Variants in POC1B observed in about 807,000 individuals in gnomAD.
The protein encoded by POC1B is POC1 centriolar protein homolog B.
A neutral mutation model predicts 60.6 loss-of-function variants in POC1B; 44 were observed. The observed-to-expected ratio is 0.73, with a 90% CI of 0.57 to 0.93. POC1B has a LOEUF of 0.93. POC1B is among the 40% of genes least tolerant of loss of function. The probability of loss-of-function intolerance (pLI) is 0.00; values close to 1 mark genes in which losing one functional copy is unlikely to be tolerated. For synonymous variants in POC1B, 180 were observed against 198.9 expected, an observed-to-expected ratio of 0.90 and a Z score of 0.80; for missense variants, 555 against 572.3, an observed-to-expected ratio of 0.97 and a Z score of 0.31.
chr12:89,468,783 G>A (rs553623492), intron 7 of POC1B, among the ~76,000 whole-genome samples: 2 of 152,158 alleles, frequency 1.3e-5, no homozygotes, highest in African/African-American at 4.8e-5. Context: ...CGCAAAGCAG[G>A]AAGCCAGGCA....
chr12:89,481,631 T>C (rs559136955), intron 4 of POC1B, among the ~76,000 whole-genome samples: 4 of 152,266 alleles, frequency 2.6e-5, no homozygotes, highest in East Asian at 3.9e-4. Flanking sequence ...AAATTCTGCA[T>C]TGGAAAAAAA....
At chr12:89,460,561 G>C (rs7136349) in intron 9 of POC1B, 79,562 of 151,932 alleles carry the variant, frequency 0.52, 21,217 homozygotes, top group African/African-American at 0.61. Context: ...ACTATTGGAA[G>C]TACCCTAAGT....
At chr12:89,432,800 T>C (rs535504286) in intron 10 of POC1B, among the ~76,000 whole-genome samples, 3 of 152,334 alleles carry the variant, frequency 2.0e-5, no homozygotes, top group Admixed American at 6.5e-5. Flanking sequence ...TGATTCTAGA[T>C]TTCTGTGGAG....
chr12:89,420,986 A>AGGTG lies in POC1B; in HGVS notation c.*166_*167insCACC, dbSNP rs1880506063. ...TTGATATGTGTTTAAATTAGTCCTTAGGTATGCCTTTTCTGCCTTTTGTTC... is the reference window on the plus strand; with the variant it reads ...TTGATATGTGTTTAAATTAGTCCTTAGGTGGGTATGCCTTTTCTGCCTTTTGTTC... On this transcript the variant is annotated 3_prime_UTR_variant, in exon 12 of 12. Transcript: ENST00000313546. The AGGTG allele has an allele frequency of 2.1e-6, 1 of 487,544 alleles. No individual in the cohort carries two copies. Among genetic ancestry groups the AGGTG allele is most frequent in the East Asian group, 2.9e-5 (1 of 34,854 alleles). 30.2% of individuals were successfully genotyped at this position (487,544 alleles called of 1,614,324 possible).
chr12:89,459,331 A>G (rs1038311612), intron 10 of POC1B, among the ~76,000 whole-genome samples: 3 of 151,120 alleles, frequency 2.0e-5, no homozygotes, highest in Non-Finnish European at 2.9e-5. Context: ...TAATGGGTGC[A>G]GCACACCAAC....
chr12:89,418,951 G>T (rs1880420603), downstream of POC1B, among the ~76,000 whole-genome samples: 1 of 152,148 alleles, frequency 6.6e-6, no homozygotes, highest in South Asian at 2.1e-4. Flanking sequence ...GAGATTAGTG[G>T]CTTGGATCAT....
intron 4 of POC1B, among the ~76,000 whole-genome samples, chr12:89,480,378 C>A (rs530163620): frequency 1.3e-5 from 2 of 151,616 alleles, no homozygotes; most frequent in South Asian, 4.2e-4. Flanking sequence ...CTCAAGCAAT[C>A]CACTCACTTC....
chr12:89,525,143 A>T lies in POC1B; in HGVS notation c.77T>A (p.Leu26His), dbSNP rs1179611575. 6.2e-7 allele frequency: 1 copy of T among 1,614,030 alleles called. No homozygotes were observed. Among genetic ancestry groups the T allele is most frequent in the Admixed American group, 1.7e-5 (1 of 60,024 alleles). Reference sequence around the variant, plus strand: ...ACCAAGTTGCTTGCCGTTGGGGCTGAGGTCCAAGGAGGTGATCGCAGCTTT... The same window carrying T: ...ACCAAGTTGCTTGCCGTTGGGGCTGTGGTCCAAGGAGGTGATCGCAGCTTT... ...GHKAAITSLD[L>H]SPNGKQLATA... The change falls in exon 2 of 12, where the codon CTC (leucine) becomes CAC (histidine). Residue 26 changes from leucine to histidine, a missense_variant. Leu to His is a moderately conservative substitution (Grantham distance 99). Coordinates refer to ENST00000313546, the MANE Select transcript of POC1B (RefSeq NM_172240.3).
chr12:89,495,512 G>C (rs1413024442), intron 3 of POC1B, among the ~76,000 whole-genome samples: 1 of 152,194 alleles, frequency 6.6e-6, no homozygotes, highest in Non-Finnish European at 1.5e-5. Flanking sequence ...ATGCCCATGA[G>C]CTTTTCTTCA....
intron 9 of POC1B, among the ~76,000 whole-genome samples, chr12:89,463,510 G>A (rs542807602): frequency 6.6e-6 from 1 of 152,172 alleles, no homozygotes; most frequent in Non-Finnish European, 1.5e-5. Context: ...GTCTGAAGAA[G>A]ATAAAGTCAG....
intron 2 of POC1B, chr12:89,501,353 T>C (rs1869557904): frequency 2.0e-6 from 2 of 1,015,848 alleles, no homozygotes; most frequent in Non-Finnish European, 3.1e-6. Flanking sequence ...AAAAGGACTA[T>C]AAAACAAAAA....
At chr12:89,426,719 G>A (rs549277314) in intron 10 of POC1B, 1 of 152,074 alleles carries the variant, frequency 6.6e-6, no homozygotes, top group East Asian at 1.9e-4. Context: ...AGCTACTTGG[G>A]AGGCTGAGGC....
At chr12:89,444,785 G>T (rs561905547) in intron 10 of POC1B, among the ~76,000 whole-genome samples, 1 of 152,240 alleles carries the variant, frequency 6.6e-6, no homozygotes, top group East Asian at 1.9e-4. Context: ...GAAATAAAGG[G>T]TATTCAATTA....
the POC1B span, among the ~76,000 whole-genome samples, chr12:89,403,264 C>A: frequency 5.3e-5 from 8 of 152,202 alleles, no homozygotes; most frequent in South Asian, 1.2e-3. Context: ...GCCTTGGCCT[C>A]CCAAAGTGAT....
At chr12:89,449,005 T>C (rs1003448685) in intron 10 of POC1B, among the ~76,000 whole-genome samples, 9 of 152,210 alleles carry the variant, frequency 5.9e-5, no homozygotes, top group Non-Finnish European at 2.9e-5. Flanking sequence ...ACCAGAGATA[T>C]ACATCAGGTC....
At chr12:89,460,736 T>A (rs1313067330) in intron 9 of POC1B, 1 of 152,178 alleles carries the variant, frequency 6.6e-6, no homozygotes, top group African/African-American at 2.4e-5. Flanking sequence ...AAAATATACA[T>A]TCAATATAAT....
At chr12:89,525,272 G>C in intron 1 of POC1B, 68 bp from the exon 2 acceptor site, 3 of 1,540,914 alleles carry the variant, frequency 1.9e-6, no homozygotes, top group Non-Finnish European at 2.6e-6. Flanking sequence ...TGGGATCCAC[G>C]CTGCCACTTC....
intron 4 of POC1B, among the ~76,000 whole-genome samples, chr12:89,472,863 G>A (rs544239895): frequency 3.6e-4 from 55 of 152,272 alleles, no homozygotes; most frequent in Non-Finnish European, 7.5e-4. Context: ...CAGAACAGAA[G>A]TTCCTTCATG....
intron 10 of POC1B, among the ~76,000 whole-genome samples, chr12:89,452,453 C>T (rs10858864): frequency 0.19 from 29,374 of 151,686 alleles, 3,262 homozygotes; most frequent in South Asian, 0.36. Flanking sequence ...GTTCAAGTCC[C>T]AAATCACGTT....
Sources: allele counts gnomAD v4.1 joint callset (sites outside exome capture counted in the v4.1 genomes callset), GRCh38; gene constraint gnomAD v4.1.1; transcripts MANE v1.5; gene names NCBI Gene and HGNC (gene_info 2026-07-23, HGNC 2026-07-21).